AUTS2: variants seen among roughly 807,000 people sequenced by gnomAD.
AUTS2 encodes activator of transcription and developmental regulator AUTS2.
A neutral mutation model predicts 112.4 loss-of-function variants in AUTS2; 17 were observed. The observed-to-expected ratio is 0.15, with a 90% CI of 0.10 to 0.23. AUTS2 has a LOEUF of 0.23. AUTS2 is among the 10% of genes least tolerant of loss of function. AUTS2 has a pLI of 1.00. For missense variants in AUTS2, 1,510 were observed against 1,701.6 expected (o/e 0.89, Z 1.98); for synonymous variants, 751 against 702.7 (o/e 1.07, Z -1.09).
chr7:69,666,487 T>A (rs1459678644), intron 1 of AUTS2, among the ~76,000 whole-genome samples: 2 of 152,168 alleles, frequency 1.3e-5, no homozygotes, highest in African/African-American at 4.8e-5. Flanking sequence ...ACTTCTAAAA[T>A]AAAACAAACA....
Position 70,295,871 on chromosome 7 carries a change from A to G in AUTS2, c.661-139881A>G, listed in dbSNP as rs1450125219. On this transcript the variant is annotated intron_variant, in intron 4 of 18. Coordinates refer to ENST00000342771, the MANE Select transcript of AUTS2 (RefSeq NM_015570.4). ...TCATAGTATAGATTTGAAGAGTTCA[A>G]TCAAGAAGCTAAGATATTAACTCAT... Among the ~76,000 whole-genome samples, 6 of 152,190 alleles carry G rather than the reference A, an allele frequency of 3.9e-5. No individual in the cohort carries two copies. In the East Asian group the frequency reaches 9.6e-4, roughly 24 times the overall value.
At chr7:70,611,137 G>T (rs1314265747) in intron 5 of AUTS2, among the ~76,000 whole-genome samples, 3 of 152,150 alleles carry the variant, frequency 2.0e-5, no homozygotes, top group East Asian at 3.9e-4. Context: ...ATTTTGAGTT[G>T]ATTCTTTCAC....
At position 69,866,657 on chromosome 7, in the gene AUTS2, T is replaced by TTTTA. The variant is rs533559895; in HGVS notation, c.310-32628_310-32625dup. 2.0e-3 allele frequency among the ~76,000 whole-genome samples: 310 copies of TTTTA among 152,298 alleles called. 3 individuals carry two copies. Among genetic ancestry groups the TTTTA allele is most frequent in the Admixed American group, 0.018 (276 of 15,298 alleles). On this transcript the variant is annotated intron_variant, in intron 1 of 18. Transcript: ENST00000342771. ...AGCAAGCAAAGTTCTGGAATACAAT[T>TTTTA]TTTAGGTCTTCCTCAACATTCCTGT...
In AUTS2 at chr7:69,861,610, A is replaced by G. The variant is rs138607282; in HGVS notation, c.310-37676A>G. ...TTTTCTGTTCCCAGTGTAGTAAATTACCAATGGCAGATTTAACGTTTGTTA... is the reference window on the plus strand; with the variant it reads ...TTTTCTGTTCCCAGTGTAGTAAATTGCCAATGGCAGATTTAACGTTTGTTA... On this transcript the variant is annotated intron_variant, in intron 1 of 18. Coordinates refer to ENST00000342771, the MANE Select transcript of AUTS2 (RefSeq NM_015570.4). Among the ~76,000 whole-genome samples the G allele has an allele frequency of 2.9e-3, 449 of 152,364 alleles. 5 individuals are homozygous for G. The highest frequency in any genetic ancestry group is 0.01 in the African/African-American group (433 of 41,590).
intron 4 of AUTS2, among the ~76,000 whole-genome samples, chr7:70,151,020 T>G (rs1296295943): frequency 6.6e-6 from 1 of 152,130 alleles, no homozygotes; most frequent in African/African-American, 2.4e-5. Context: ...GCTTCCTGCC[T>G]TGAGAGAATT....
chr7:70,474,537 T>C (rs1303529035), intron 5 of AUTS2, among the ~76,000 whole-genome samples: 1 of 152,212 alleles, frequency 6.6e-6, no homozygotes, highest in African/African-American at 2.4e-5. Flanking sequence ...GTCTTTATTG[T>C]ACCAGTCTTC....
At chr7:70,594,262 G>A (rs961309858) in intron 5 of AUTS2, among the ~76,000 whole-genome samples, 1 of 152,196 alleles carries the variant, frequency 6.6e-6, no homozygotes, top group Non-Finnish European at 1.5e-5. Context: ...GCTTTTTAGA[G>A]CAGTGGTTCT....
intron 2 of AUTS2, among the ~76,000 whole-genome samples, chr7:69,912,414 G>A (rs1187132598): frequency 3.3e-5 from 5 of 152,102 alleles, no homozygotes; most frequent in Admixed American, 3.3e-4. Flanking sequence ...CCTGTTCCTG[G>A]CCCCAGCCGG....
In AUTS2 at chr7:69,599,538, C is replaced by G. The variant is rs1256264863; in HGVS notation, c.-116C>G. 3.8e-6 allele frequency: 4 copies of G among 1,042,554 alleles called. No homozygotes were observed. In the East Asian group the frequency reaches 1.0e-4, roughly 27 times the overall value. 64.6% of individuals were successfully genotyped at this position (1,042,554 alleles called of 1,614,324 possible). A position where few individuals can be genotyped will look rare whatever the true frequency, so the allele number is the denominator to read the frequency against. On this transcript the variant is annotated 5_prime_UTR_variant, in exon 1 of 19. Coordinates refer to ENST00000342771, the MANE Select transcript of AUTS2 (RefSeq NM_015570.4). This position sits in a 1 kb window ranked among gnomAD's most constrained non-coding sequence, Gnocchi z 7.0. ...CGGCCGCCGTCTCCCCCGCGCCCTCCTCGGGGCGGAGGGAAGCCGTGAAGG... is the reference window on the plus strand; with the variant it reads ...CGGCCGCCGTCTCCCCCGCGCCCTCGTCGGGGCGGAGGGAAGCCGTGAAGG...
At chr7:69,744,493 G>A (rs1478912602) in intron 1 of AUTS2, among the ~76,000 whole-genome samples, 1 of 152,034 alleles carries the variant, frequency 6.6e-6, no homozygotes, top group South Asian at 2.1e-4. Context: ...CATTCTATTA[G>A]ACCAGTGATT....
At chr7:69,755,595 AGAGC>A in intron 1 of AUTS2, among the ~76,000 whole-genome samples, 1 of 152,204 alleles carries the variant, frequency 6.6e-6, no homozygotes, top group Non-Finnish European at 1.5e-5. Flanking sequence ...GGTGTCACAA[AGAGC>A]AACATTATGA....
At chr7:69,885,947 C>T (rs559916939) in intron 1 of AUTS2, among the ~76,000 whole-genome samples, 102 of 152,226 alleles carry the variant, frequency 6.7e-4, no homozygotes, top group African/African-American at 2.1e-3. Flanking sequence ...TTGAAGAGTA[C>T]GTATACATAA....
chr7:70,669,552 AT>A (rs1428228345), intron 5 of AUTS2, among the ~76,000 whole-genome samples: 22 of 152,166 alleles, frequency 1.4e-4, no homozygotes, highest in Admixed American at 1.4e-3. Flanking sequence ...GCTCAGAGAG[AT>A]TGAAATGACC....
chr7:69,754,549 T>A (rs561921664), intron 1 of AUTS2, among the ~76,000 whole-genome samples: 1 of 152,118 alleles, frequency 6.6e-6, no homozygotes, highest in African/African-American at 2.4e-5. Context: ...GAAGGGTGGA[T>A]GGTGAGTAGA....
chr7:70,774,058 C>T lies in AUTS2; in HGVS notation c.1861C>T (p.Pro621Ser). 1 of 1,614,178 alleles carries T rather than the reference C, an allele frequency of 6.2e-7. No individual in the cohort carries two copies. The highest frequency in any genetic ancestry group is 8.5e-7 in the Non-Finnish European group (1 of 1,180,034). Residue 621 changes from proline to serine, a missense_variant, in exon 12 of 19, where the codon CCT (proline) becomes TCT (serine). This residue lies in a region of AUTS2 where 187 missense variants were observed against 309.7 expected (regional missense o/e 0.60). Coordinates refer to ENST00000342771, the MANE Select transcript of AUTS2 (RefSeq NM_015570.4). ...TSNPIDVAAR[P>S]GTVPHTLLQK... ...CAACCCTATCGATGTCGCTGCTCGG[C>T]CTGGGACAGTCCCACACACTTTACT...
In AUTS2 at chr7:70,180,929, G is replaced by A. The variant is rs189736554; in HGVS notation, c.660+46358G>A. Reference sequence around the variant, plus strand: ...AAAGCTAGGAAATGTAATATAATAGGCTTCCATTTACCCACCACCCAGCTT... The same window carrying A: ...AAAGCTAGGAAATGTAATATAATAGACTTCCATTTACCCACCACCCAGCTT... On this transcript the variant is annotated intron_variant, in intron 4 of 18. Coordinates refer to ENST00000342771, the MANE Select transcript of AUTS2 (RefSeq NM_015570.4). 1.0e-3 allele frequency among the ~76,000 whole-genome samples: 152 copies of A among 152,100 alleles called. 1 individual carries two copies. The highest frequency in any genetic ancestry group is 9.8e-3 in the Admixed American group (150 of 15,254).
intron 1 of AUTS2, among the ~76,000 whole-genome samples, chr7:69,776,726 T>G (rs915384879): frequency 1.3e-5 from 2 of 152,220 alleles, no homozygotes; most frequent in Admixed American, 6.5e-5. Context: ...GTCAAAAATG[T>G]AAATATTAGG....
At chr7:69,660,251 C>T (rs768772895) in intron 1 of AUTS2, among the ~76,000 whole-genome samples, 24 of 152,166 alleles carry the variant, frequency 1.6e-4, no homozygotes, top group Non-Finnish European at 2.1e-4. Flanking sequence ...TGCTGTTTTC[C>T]TTTTGTACCT....
At chr7:70,614,289 C>CTTTT (rs3214232) in intron 5 of AUTS2, among the ~76,000 whole-genome samples, 1 of 150,214 alleles carries the variant, frequency 6.7e-6, no homozygotes, top group African/African-American at 2.4e-5. Context: ...ATTTAAATTA[C>CTTTT]TTTTTTTTTT....
Sources: allele counts gnomAD v4.1 joint callset (sites outside exome capture counted in the v4.1 genomes callset), GRCh38; gene constraint gnomAD v4.1.1; regional missense constraint gnomAD v4.1.1; non-coding constraint Gnocchi (gnomAD v3.1); transcripts MANE v1.5; gene names NCBI Gene and HGNC (gene_info 2026-07-23, HGNC 2026-07-21).